PTPRQ: variants seen among roughly 807,000 people sequenced by gnomAD.
PTPRQ encodes protein tyrosine phosphatase receptor type Q.
In PTPRQ, 199 loss-of-function variants were observed where a neutral mutation model predicts 246.0. The ratio of observed to expected loss-of-function variants is 0.81; its 90% confidence interval spans 0.72 to 0.91. The LOEUF is 0.91. PTPRQ is among the 40% of genes least tolerant of loss of function. The pLI is 0.00. For missense variants in PTPRQ, 2,624 were observed against 2,528.4 expected, an observed-to-expected ratio of 1.04 and a Z score of -0.81; for synonymous variants, 869 against 853.2, an observed-to-expected ratio of 1.02 and a Z score of -0.32.
At chr12:80,472,006 G>A in intron 7 of PTPRQ, 99 bp from the exon 8 acceptor site, 1 of 1,446,392 alleles carries the variant, frequency 6.9e-7, no homozygotes. Flanking sequence ...TAGTGCATAG[G>A]TTAACACTTG....
intron 36 of PTPRQ, 116 bp from the exon 37 acceptor site, chr12:80,649,472 G>A (rs1032933759): frequency 3.0e-6 from 4 of 1,325,988 alleles, no homozygotes; most frequent in South Asian, 2.1e-5. Context: ...TGTGTTGTTT[G>A]TGATTTTGGG....
chr12:80,575,957 C>G (rs942858464), intron 25 of PTPRQ, among the ~76,000 whole-genome samples: 5 of 151,954 alleles, frequency 3.3e-5, no homozygotes, highest in Non-Finnish European at 2.9e-5. Flanking sequence ...AACCTCACAC[C>G]ATCCTTTGAG....
At chr12:80,529,612 T>C (rs1027802246) in intron 17 of PTPRQ, among the ~76,000 whole-genome samples, 2 of 152,116 alleles carry the variant, frequency 1.3e-5, no homozygotes, top group Admixed American at 6.5e-5. Context: ...AGCAAATTAA[T>C]TGCTCTTTTG....
rs575778466 is a variant in PTPRQ at position 80,499,961 on chromosome 12, CA to C, written c.2272+3432del. Among the ~76,000 whole-genome samples, 66 of 152,038 alleles carry C rather than the reference CA, an allele frequency of 4.3e-4. 1 individual carries two copies. The East Asian group carries it at 0.012, about 27-fold the overall frequency. On this transcript the variant is annotated intron_variant, in intron 14 of 44. Transcript: ENST00000644991. ...CATATTCCCTTTCCTTTTTAAGACA[CA>C]ACCATCTTTACTGTAAGCCTTTAAC...
chr12:80,613,447 C>A (rs1202221978), intron 28 of PTPRQ, 145 bp from the exon 29 acceptor site: 2 of 742,726 alleles, frequency 2.7e-6, no homozygotes, highest in South Asian at 2.2e-5. Context: ...TATAATGCGT[C>A]AGTCATTTTG....
intron 40 of PTPRQ, 90 bp from the exon 41 acceptor site, chr12:80,669,249 A>G: frequency 6.5e-7 from 1 of 1,528,564 alleles, no homozygotes; most frequent in South Asian, 1.2e-5. Flanking sequence ...ACATCTATAA[A>G]GTAATTTTAA....
chr12:80,655,010 C>G (rs763717252), intron 38 of PTPRQ, among the ~76,000 whole-genome samples: 12 of 152,042 alleles, frequency 7.9e-5, no homozygotes, highest in Admixed American at 3.9e-4. Context: ...ACTTTTCAAT[C>G]ATTTATTAAG....
chr12:80,459,046 A>C (rs1030699828), intron 4 of PTPRQ, among the ~76,000 whole-genome samples: 3 of 152,116 alleles, frequency 2.0e-5, no homozygotes, highest in African/African-American at 7.2e-5. Flanking sequence ...TTTCATACTT[A>C]TTTGAAACGT....
At position 80,493,270 on chromosome 12, in the gene PTPRQ, T is replaced by G. The variant is rs1338551670; in HGVS notation, c.1360-5T>G. On this transcript the variant is annotated splice_polypyrimidine_tract_variant and splice_region_variant and intron_variant, in intron 9 of 44. Transcript: ENST00000644991. The stretch of plus-strand genomic sequence containing the variant: ...GTCTTTTAAAATATCTACTTTTAAT[T>G]ACAGTATATAAATGACCCCATGGCT... 1.4e-5 allele frequency: 20 copies of G among 1,452,992 alleles called. No individual in the cohort carries two copies. The highest frequency in any genetic ancestry group is 1.8e-5 in the Non-Finnish European group (20 of 1,099,734). 90.0% of individuals were successfully genotyped at this position (1,452,992 alleles called of 1,614,324 possible). A position where few individuals can be genotyped will look rare whatever the true frequency, so the allele number is the denominator to read the frequency against.
intron 33 of PTPRQ, among the ~76,000 whole-genome samples, chr12:80,630,067 A>G (rs1899367044): frequency 2.6e-5 from 4 of 152,160 alleles, no homozygotes; most frequent in Non-Finnish European, 5.9e-5. Context: ...ATTAAACTTA[A>G]CAATAAATTA....
intron 28 of PTPRQ, 110 bp from the exon 29 acceptor site, chr12:80,613,482 T>C: frequency 1.7e-6 from 2 of 1,166,550 alleles, no homozygotes; most frequent in Non-Finnish European, 2.4e-6. Flanking sequence ...TTATATGGTT[T>C]AATTTGTGGA....
At position 80,621,484 on chromosome 12, in the gene PTPRQ, G is replaced by T. The variant is rs74900022; in HGVS notation, c.5613-577G>T. 3.1e-4 allele frequency among the ~76,000 whole-genome samples: 47 copies of T among 151,886 alleles called. No individual in the cohort carries two copies. The East Asian group carries it at 8.7e-3, about 28-fold the overall frequency. On this transcript the variant is annotated intron_variant, in intron 32 of 44. Transcript: ENST00000644991. ...TAAGTAAATTTCAATTGTCTCTGAG[G>T]ATCTTAGATTCTTTTTGTAATTTTT...
rs1467772128 is a variant in PTPRQ at position 80,610,581 on chromosome 12, A to G, written c.4874A>G (p.Glu1625Gly). Residue 1625 changes from glutamate to glycine, a missense_variant, in exon 28 of 45, where the codon GAA becomes GGA. Transcript: ENST00000644991. ...GGGAACATTAGTGCTGCATATGTAG[A>G]AGGGAAGTCAAGTGCTGAAATGATT... ...FTGNISAAYV[E>G]GKSSAEMIVT... 3 of 1,543,632 alleles carry G rather than the reference A, an allele frequency of 1.9e-6. No individual in the cohort carries two copies. The highest frequency in any genetic ancestry group is 1.2e-5 in the South Asian group (1 of 83,754).
chr12:80,483,373 T>G, intron 8 of PTPRQ, among the ~76,000 whole-genome samples: 1 of 109,698 alleles, frequency 9.1e-6, no homozygotes, highest in South Asian at 3.7e-4. Context: ...CTGGGGCCTG[T>G]TGTGGGGTGG....
intron 4 of PTPRQ, among the ~76,000 whole-genome samples, chr12:80,458,662 A>T (rs563623044): frequency 4.6e-5 from 7 of 152,058 alleles, no homozygotes; most frequent in African/African-American, 1.7e-4. Context: ...CTTTACCATG[A>T]GGTTAATGGG....
At chr12:80,635,176 C>A in intron 35 of PTPRQ, 103 bp downstream of exon 35, 2 of 1,459,688 alleles carry the variant, frequency 1.4e-6, no homozygotes, top group Non-Finnish European at 1.8e-6. Context: ...CTAATTTACA[C>A]AGGTCACAGA....
rs149569400 is a variant in PTPRQ, at chr12:80,632,233, G to T, written c.5728G>T (p.Val1910Phe). 2.5e-4 allele frequency: 394 copies of T among 1,551,338 alleles called. 2 individuals are homozygous for T. In the East Asian group the frequency reaches 9.5e-3, roughly 37 times the overall value. The change falls in exon 34 of 45, where the codon GTC (valine) becomes TTC (phenylalanine). Residue 1910 changes from valine to phenylalanine, a missense_variant. Val to Phe is a conservative substitution (Grantham distance 50). Transcript: ENST00000644991. ...SERTVEIILS[V>F]TLCILSIILL... ...AAGAACCGTAGAGATCATTCTTTCC[G>T]TCACTTTGTGTATCCTTTCAATAAT...
chr12:80,507,975 G>T (rs1489210223), intron 16 of PTPRQ, among the ~76,000 whole-genome samples: 1 of 151,860 alleles, frequency 6.6e-6, no homozygotes, highest in Non-Finnish European at 1.5e-5. Flanking sequence ...CTAATCAAAA[G>T]TTCCTAATGG....
intron 7 of PTPRQ, among the ~76,000 whole-genome samples, chr12:80,471,793 G>A (rs1449241330): frequency 1.3e-5 from 2 of 151,806 alleles, no homozygotes; most frequent in Non-Finnish European, 2.9e-5. Context: ...GTCACTTTTT[G>A]AACTGATAAA....
Sources: gnomAD v4.1 joint callset for allele counts (sites outside exome capture counted in the v4.1 genomes callset) on GRCh38, gnomAD v4.1.1 for gene constraint, MANE v1.5 for transcripts, NCBI Gene and HGNC (gene_info 2026-07-23, HGNC 2026-07-21) for gene names.